Variants in RB1CC1 observed in about 807,000 individuals in gnomAD.
The protein encoded by RB1CC1 is RB1 inducible coiled-coil 1, also known as RB1-inducible coiled-coil protein 1.
A neutral mutation model predicts 177.5 loss-of-function variants in RB1CC1; 46 were observed. The observed-to-expected ratio is 0.26, with a 90% confidence interval of 0.20 to 0.33. The LOEUF (loss-of-function observed/expected upper bound fraction) is 0.33, where lower values mean the gene tolerates loss of function less well. Ranked by LOEUF, RB1CC1 falls within the 10% of genes least tolerant of loss-of-function variation. The probability of loss-of-function intolerance (pLI) is 1.00; values close to 1 mark genes in which losing one functional copy is unlikely to be tolerated. For synonymous variants in RB1CC1, 666 were observed against 613.6 expected (o/e 1.09, Z -1.26); for missense variants, 1,703 against 1,816.3 (o/e 0.94, Z 1.13).
At chr8:52,642,260 C>A in intron 18 of RB1CC1, 91 bp downstream of exon 18, 1 of 1,465,536 alleles carries the variant, frequency 6.8e-7, no homozygotes, top group South Asian at 1.4e-5. Flanking sequence ...TGTGGACAAC[C>A]AGTAATGCTA....
At chr8:52,681,507 G>A (rs1853715508) in intron 5 of RB1CC1, among the ~76,000 whole-genome samples, 1 of 152,164 alleles carries the variant, frequency 6.6e-6, no homozygotes, top group Non-Finnish European at 1.5e-5. Flanking sequence ...GGACCATGAA[G>A]AAATATCACC....
intron 7 of RB1CC1, among the ~76,000 whole-genome samples, chr8:52,671,282 T>C (rs1852565968): frequency 6.6e-6 from 1 of 152,222 alleles, no homozygotes; most frequent in Non-Finnish European, 1.5e-5. Flanking sequence ...AAAGTACATG[T>C]TACAAAATAC....
At chr8:52,650,728 T>C (rs975103072) in intron 15 of RB1CC1, among the ~76,000 whole-genome samples, 2 of 152,064 alleles carry the variant, frequency 1.3e-5, no homozygotes, top group Non-Finnish European at 2.9e-5. Flanking sequence ...CAGTGCAAAA[T>C]AGAACACTGG....
Position 52,674,154 on chromosome 8 carries a change from T to G in RB1CC1, c.693A>C (p.Lys231Asn). 1 of 1,613,772 alleles carries G rather than the reference T, an allele frequency of 6.2e-7. No individual in the cohort carries two copies. The highest frequency in any genetic ancestry group is 1.1e-5 in the South Asian group (1 of 91,070). Residue 231 changes from lysine (K) to asparagine (N), a missense_variant, in exon 7 of 24, where the codon AAA (lysine) becomes AAC (asparagine). Physicochemically the swap from Lys to Asn is moderately conservative, Grantham distance 94 (BLOSUM62 0). This residue lies in a region of RB1CC1 where 315 missense variants were observed against 304.9 expected (regional missense o/e 1.03). Coordinates refer to ENST00000025008, the MANE Select transcript of RB1CC1 (RefSeq NM_014781.5). ...DSLPEHEDSE[K>N]AEMKRSTELV... ...GTTCAGTGGATCTTTTCATCTCAGC[T>G]TTTTCTGAGTCTTCATGTTCAGGTA...
At chr8:52,706,646 G>T (rs1348031315) in intron 1 of RB1CC1, among the ~76,000 whole-genome samples, 6 of 151,426 alleles carry the variant, frequency 4.0e-5, no homozygotes, top group Non-Finnish European at 8.8e-5. Context: ...GCAGGAGAAT[G>T]GCGTGAACCC....
chr8:52,694,240 T>C lies in RB1CC1; in HGVS notation c.-166-7273A>G, dbSNP rs546141522. ...ACAGTGAGGAGTATAATCTTGGCTC[T>C]AGAGTGGAAGACTCAACAGGTCACG... On this transcript the variant is annotated intron_variant, in intron 1 of 23. Coordinates refer to ENST00000025008, the MANE Select transcript of RB1CC1 (RefSeq NM_014781.5). 2.0e-5 allele frequency among the ~76,000 whole-genome samples: 3 copies of C among 152,314 alleles called. No individual in the cohort carries two copies. The East Asian group carries it at 5.8e-4, about 29-fold the overall frequency.
Position 52,656,213 on chromosome 8 carries a change from C to T in RB1CC1, c.3616G>A (p.Glu1206Lys), listed in dbSNP as rs569632839. The T allele has an allele frequency of 7.4e-5, 119 of 1,613,448 alleles. 1 individual carries two copies. In the Middle Eastern group the frequency reaches 9.1e-3, roughly 123 times the overall value. The change falls in exon 15 of 24, where the codon GAA (glutamate) becomes AAA (lysine). Residue 1206 changes from glutamate to lysine, a missense_variant. By Grantham distance (56) the Glu-to-Lys change is moderately conservative (BLOSUM62 1). Coordinates refer to ENST00000025008, the MANE Select transcript of RB1CC1 (RefSeq NM_014781.5). ...EKITQQEEKY[E>K]AIIQNLEKDR... ...TTCTCAAGGTTCTGGATAATAGCTT[C>T]GTATTTCTCTTCTTGTTGGGTAATT...
chr8:52,683,302 T>C (rs183782263), intron 5 of RB1CC1, among the ~76,000 whole-genome samples: 124 of 152,310 alleles, frequency 8.1e-4, no homozygotes, highest in Admixed American at 1.3e-3. Flanking sequence ...TTACATATTA[T>C]CTAGGAAAGA....
chr8:52,651,379 T>G (rs1234925246), intron 15 of RB1CC1, among the ~76,000 whole-genome samples: 5 of 152,252 alleles, frequency 3.3e-5, no homozygotes, highest in Non-Finnish European at 7.3e-5. Flanking sequence ...ACTGCTGTCT[T>G]GCTAAAATGG....
chr8:52,645,688 A>G lies in RB1CC1; in HGVS notation c.3987+14T>C. On this transcript the variant is annotated intron_variant, in intron 16 of 23. Coordinates refer to ENST00000025008, the MANE Select transcript of RB1CC1 (RefSeq NM_014781.5). ...TCTTTAGTTCTCAAATGAAATGGGA[A>G]AAGAGATACAGACCTGTTGTTCCGC... 6.2e-7 allele frequency: 1 copy of G among 1,602,878 alleles called. No individual in the cohort carries two copies. The highest frequency in any genetic ancestry group is 8.5e-7 in the Non-Finnish European group (1 of 1,176,300).
intron 8 of RB1CC1, among the ~76,000 whole-genome samples, chr8:52,664,280 G>T (rs1334887112): frequency 6.6e-6 from 1 of 151,964 alleles, no homozygotes; most frequent in Non-Finnish European, 1.5e-5. Context: ...GTCTACCTTG[G>T]GGTCTATATT....
intron 1 of RB1CC1, among the ~76,000 whole-genome samples, chr8:52,709,504 C>T (rs770207289): frequency 6.6e-6 from 1 of 152,036 alleles, no homozygotes; most frequent in African/African-American, 2.4e-5. Context: ...TTTGGGAGGC[C>T]GAGGTGGGTG....
intron 21 of RB1CC1, among the ~76,000 whole-genome samples, chr8:52,628,369 T>C (rs571829353): frequency 1.3e-5 from 2 of 152,322 alleles, no homozygotes; most frequent in East Asian, 3.9e-4. Flanking sequence ...CAAAGGATGA[T>C]GTCAGGGGCT....
intron 22 of RB1CC1, among the ~76,000 whole-genome samples, chr8:52,625,039 A>G (rs758151283): frequency 2.0e-5 from 3 of 152,168 alleles, no homozygotes; most frequent in Non-Finnish European, 4.4e-5. Flanking sequence ...TCACAGAAAT[A>G]ACAGTTCAGG....
At chr8:52,643,098 T>G (rs1849716127) in intron 16 of RB1CC1, 1 of 222,074 alleles carries the variant, frequency 4.5e-6, no homozygotes, top group African/African-American at 2.3e-5. Flanking sequence ...CATCAATAAC[T>G]TAGAGTGCTG....
chr8:52,660,568 T>G (rs747648405), intron 12 of RB1CC1, 28 bp downstream of exon 12: 3 of 1,544,564 alleles, frequency 1.9e-6, no homozygotes, highest in Non-Finnish European at 2.6e-6. Context: ...ATATGGAATT[T>G]AGTCATGGTT....
chr8:52,712,584 T>C (rs1418921240), intron 1 of RB1CC1, among the ~76,000 whole-genome samples: 1 of 150,728 alleles, frequency 6.6e-6, no homozygotes, highest in Non-Finnish European at 1.5e-5. Context: ...AAGGATTAGG[T>C]ACATAAATAA....
chr8:52,659,016 A>T, intron 12 of RB1CC1, 40 bp from the exon 13 acceptor site: 2 of 1,161,316 alleles, frequency 1.7e-6, no homozygotes, highest in Non-Finnish European at 2.4e-6. Flanking sequence ...ATTTTTTTTC[A>T]ACCAAAAACA....
At chr8:52,658,579 G>GAAACAAA (rs1851296118) in intron 13 of RB1CC1, among the ~76,000 whole-genome samples, 1 of 98,798 alleles carries the variant, frequency 1.0e-5, no homozygotes, top group Non-Finnish European at 1.9e-5. Flanking sequence ...TCCGTCTCAA[G>GAAACAAA]AAAAAAAAAA....
Sources: allele counts gnomAD v4.1 joint callset (sites outside exome capture counted in the v4.1 genomes callset), GRCh38; gene constraint gnomAD v4.1.1; regional missense constraint gnomAD v4.1.1; transcripts MANE v1.5; gene names NCBI Gene and HGNC (gene_info 2026-07-23, HGNC 2026-07-21).